The following UBE4B variants were observed in gnomAD, a reference collection of about 807,000 sequenced individuals.
UBE4B encodes ubiquitination factor E4B.
A neutral mutation model predicts 148.1 loss-of-function variants in UBE4B; 27 were observed. The observed-to-expected ratio is 0.18, with a 90% CI of 0.13 to 0.25. The LOEUF (loss-of-function observed/expected upper bound fraction) is 0.25. UBE4B is among the 10% of genes least tolerant of loss of function. The pLI is 1.00. For synonymous variants in UBE4B, 596 were observed against 619.3 expected, an observed-to-expected ratio of 0.96 and a Z score of 0.56; for missense variants, 1,170 against 1,662.4, an observed-to-expected ratio of 0.70 and a Z score of 5.15.
intron 25 of UBE4B, among the ~76,000 whole-genome samples, chr1:10,176,352 C>G (rs1482992994): frequency 2.0e-5 from 3 of 152,176 alleles, no homozygotes; most frequent in African/African-American, 7.2e-5. Context: ...TACTTTGGGT[C>G]TACACTTGGG....
intron 25 of UBE4B, among the ~76,000 whole-genome samples, chr1:10,174,836 C>T (rs1331290076): frequency 6.6e-6 from 1 of 151,618 alleles, no homozygotes; most frequent in Non-Finnish European, 1.5e-5. Flanking sequence ...TAGAAGAGAG[C>T]TTTGGTGGGG....
intron 18 of UBE4B, 71 bp from the exon 19 acceptor site, chr1:10,146,892 C>A (rs1485278860): frequency 6.3e-7 from 1 of 1,575,186 alleles, no homozygotes; most frequent in Non-Finnish European, 8.7e-7. Context: ...TGGCCCCAGT[C>A]CCTGCCCAGT....
chr1:10,128,279 C>G (rs1371246735), intron 11 of UBE4B: 1 of 152,140 alleles, frequency 6.6e-6, no homozygotes, highest in Non-Finnish European at 1.5e-5. Context: ...GTTCAAAAGA[C>G]AGAGGCCTCC....
chr1:10,070,401 A>T (rs1440644611), intron 1 of UBE4B, among the ~76,000 whole-genome samples: 1 of 151,710 alleles, frequency 6.6e-6, no homozygotes, highest in Admixed American at 6.6e-5. Flanking sequence ...GTGAGTTTTC[A>T]TAAAGTGGAC....
intron 1 of UBE4B, among the ~76,000 whole-genome samples, chr1:10,070,851 A>G (rs766174169): frequency 1.3e-5 from 2 of 152,208 alleles, no homozygotes; most frequent in Non-Finnish European, 2.9e-5. Flanking sequence ...AGTGATGGTT[A>G]AATTTGTGTC....
intron 25 of UBE4B, among the ~76,000 whole-genome samples, chr1:10,175,389 C>A (rs373793372): frequency 6.6e-6 from 1 of 152,120 alleles, no homozygotes; most frequent in South Asian, 2.1e-4. Context: ...CAGTGGCTCA[C>A]GCCTGTAATC....
In UBE4B at chr1:10,180,318, G is replaced by A. The variant is rs190150965; in HGVS notation, c.*362G>A. 9 of 202,450 alleles carry A rather than the reference G, an allele frequency of 4.4e-5. No homozygotes were observed. The highest frequency in any genetic ancestry group is 3.6e-4 in the East Asian group (3 of 8,272). 12.5% of individuals were successfully genotyped at this position (202,450 alleles called of 1,614,324 possible). A position where few individuals can be genotyped will look rare whatever the true frequency, so the allele number is the denominator to read the frequency against. On this transcript the variant is annotated 3_prime_UTR_variant, in exon 28 of 28. Coordinates refer to ENST00000343090, the MANE Select transcript of UBE4B (RefSeq NM_001105562.3). ...TGAATTTTTTTTTAATCCAATATCC[G>A]TTGATTTGATTGTGATTAGAGAACC...
chr1:10,101,498 C>CTTT (rs34066776), intron 4 of UBE4B, among the ~76,000 whole-genome samples: 23 of 56,176 alleles, frequency 4.1e-4, no homozygotes, highest in Non-Finnish European at 6.5e-4. Context: ...TGGTCTTTTG[C>CTTT]TTTTTTTTTT....
intron 25 of UBE4B, among the ~76,000 whole-genome samples, chr1:10,176,520 C>A (rs1646431231): frequency 1.3e-5 from 2 of 152,068 alleles, no homozygotes; most frequent in South Asian, 4.2e-4. Flanking sequence ...AGTTTATATT[C>A]TTTCCATCAT....
intron 22 of UBE4B, among the ~76,000 whole-genome samples, chr1:10,159,277 T>C (rs947992128): frequency 2.0e-5 from 3 of 152,196 alleles, no homozygotes; most frequent in Non-Finnish European, 4.4e-5. Flanking sequence ...GAGTGACTGC[T>C]TAAACCTGGA....
intron 1 of UBE4B, among the ~76,000 whole-genome samples, chr1:10,046,402 A>G (rs1216290124): frequency 6.6e-6 from 1 of 152,152 alleles, no homozygotes; most frequent in Non-Finnish European, 1.5e-5. Flanking sequence ...GTTTAAAACA[A>G]AGTTATCAGG....
At chr1:10,171,838 GC>G in intron 25 of UBE4B, among the ~76,000 whole-genome samples, 1 of 152,238 alleles carries the variant, frequency 6.6e-6, no homozygotes, top group Non-Finnish European at 1.5e-5. Context: ...CTGAGATTGT[GC>G]CACTGCACTC....
At chr1:10,045,488 A>G (rs751428356) in intron 1 of UBE4B, among the ~76,000 whole-genome samples, 1 of 152,096 alleles carries the variant, frequency 6.6e-6, no homozygotes. Flanking sequence ...TTGTGGTTTA[A>G]TGTGCCATAT....
At chr1:10,146,493 A>G (rs550871153) in intron 18 of UBE4B, among the ~76,000 whole-genome samples, 6 of 152,312 alleles carry the variant, frequency 3.9e-5, no homozygotes, top group Admixed American at 3.3e-4. Flanking sequence ...TTAAATGTAT[A>G]CATCAGTGTG....
chr1:10,111,671 G>A (rs574303262), intron 7 of UBE4B, among the ~76,000 whole-genome samples: 2 of 152,238 alleles, frequency 1.3e-5, no homozygotes, highest in East Asian at 3.9e-4. Context: ...ATTAGAAAAT[G>A]CAAGGCCAGG....
intron 20 of UBE4B, among the ~76,000 whole-genome samples, chr1:10,151,070 G>A (rs1364492907): frequency 2.6e-5 from 4 of 151,550 alleles, no homozygotes; most frequent in Admixed American, 6.6e-5. Context: ...GGCTGAGGCA[G>A]GAGAATGGCG....
chr1:10,103,057 C>T lies in UBE4B; in HGVS notation c.545C>T (p.Ser182Phe), dbSNP rs376014052. ...DRDRDVIFLS[S>F]LSAQFKQNPK... ...GACAGAGATGTCATCTTTCTTTCTT[C>T]TCTTTCTGCACAGTTTAAGCAGAAC... Residue 182 changes from serine to phenylalanine, a missense_variant, in exon 5 of 28, where the codon TCT becomes TTT. This residue lies in a region of UBE4B where 91 missense variants were observed against 120.5 expected (regional missense o/e 0.76). Coordinates refer to ENST00000343090, the MANE Select transcript of UBE4B (RefSeq NM_001105562.3). 6.2e-7 allele frequency: 1 copy of T among 1,612,770 alleles called. No individual in the cohort carries two copies. The highest frequency in any genetic ancestry group is 8.5e-7 in the Non-Finnish European group (1 of 1,179,622).
In UBE4B at chr1:10,178,787, C is replaced by T. The variant is rs746356019; in HGVS notation, c.3669C>T (p.Ile1223=). The T allele has an allele frequency of 1.9e-5, 31 of 1,612,468 alleles. No homozygotes were observed. The African/African-American group carries it at 2.4e-4, about 13-fold the overall frequency. The change falls in exon 26 of 28, where the codon ATC becomes ATT. Residue 1223 remains isoleucine (I), a synonymous_variant. Coordinates refer to ENST00000343090, the MANE Select transcript of UBE4B (RefSeq NM_001105562.3). ...EIVAKNARAE[I]DYSDAPDEFR... is the part of the protein sequence containing the mutation. The stretch of plus-strand genomic sequence containing the variant: ...TGGCCAAGAACGCACGCGCAGAAAT[C>T]GACTACAGCGACGCTCCTGATGAGT...
In UBE4B at chr1:10,106,163, T is replaced by C; in HGVS notation, c.810-34T>C. The C allele has an allele frequency of 6.5e-7, 1 of 1,528,168 alleles. No homozygotes were observed. Among genetic ancestry groups the C allele is most frequent in the Non-Finnish European group, 8.8e-7 (1 of 1,138,034 alleles). The allele number at this position is 1,528,168 out of a possible 1,614,324, so 94.7% of individuals were successfully genotyped here. The stretch of plus-strand genomic sequence containing the variant: ...GTTATCTCAAGTTTTTCTTTGATTT[T>C]TCTCTTCTTTCCTCCCTTTCTCAAC... On this transcript the variant is annotated intron_variant, in intron 6 of 27. Coordinates refer to ENST00000343090, the MANE Select transcript of UBE4B (RefSeq NM_001105562.3). This position sits in a 1 kb window ranked among gnomAD's most constrained non-coding sequence, Gnocchi z 4.2.
Sources: allele counts gnomAD v4.1 joint callset (sites outside exome capture counted in the v4.1 genomes callset), GRCh38; gene constraint gnomAD v4.1.1; regional missense constraint gnomAD v4.1.1; non-coding constraint Gnocchi (gnomAD v3.1); transcripts MANE v1.5; gene names NCBI Gene and HGNC (gene_info 2026-07-23, HGNC 2026-07-21).